TTLL8: variants seen among roughly 807,000 people sequenced by gnomAD.
TTLL8 encodes protein monoglycylase TTLL8.
Under a neutral mutation model 77.8 loss-of-function variants are expected in TTLL8, and 65 were observed. The ratio of observed to expected loss-of-function variants is 0.84; its 90% CI spans 0.68 to 1.03. The LOEUF is 1.03. Ranked by LOEUF, TTLL8 falls within the 50% of genes least tolerant of loss-of-function variation. The probability of loss-of-function intolerance (pLI) is 0.00; values close to 1 mark genes in which losing one functional copy is unlikely to be tolerated. For missense variants in TTLL8, 910 were observed against 1,004.5 expected (o/e 0.91, Z 1.27); for synonymous variants, 402 against 422.8 (o/e 0.95, Z 0.60).
exon 10 of TTLL8, chr22:50,033,390 G>A: frequency 1.5e-6 from 2 of 1,365,292 alleles, no homozygotes; most frequent in South Asian, 2.3e-5. Context: ...TGGAAAGAGG[G>A]TGGTCTGCAG....
chr22:50,048,303 T>C (rs112009312), intron 3 of TTLL8, among the ~76,000 whole-genome samples: 1 of 152,122 alleles, frequency 6.6e-6, no homozygotes, highest in South Asian at 2.1e-4. Context: ...CTCTCTGGAA[T>C]GCATGTGCTA....
intron 1 of TTLL8, 68 bp from the exon 4 acceptor site, chr22:50,050,315 A>G (rs2061437656): frequency 1.7e-6 from 2 of 1,185,314 alleles, no homozygotes. Flanking sequence ...TTTTGGTTGC[A>G]TGGATAAGCT....
chr22:50,046,998 T>G, intron 4 of TTLL8, 170 bp downstream of exon 6: 1 of 780,598 alleles, frequency 1.3e-6, no homozygotes, highest in Non-Finnish European at 1.6e-6. Context: ...GTGCTGGGGG[T>G]GGGGTGGGCA....
chr22:50,027,846 C>T (rs768195843), intron 12 of TTLL8: 1 of 979,364 alleles, frequency 1.0e-6, no homozygotes, highest in East Asian at 1.1e-4. Flanking sequence ...GCAAGCCCAG[C>T]TCCTCCCGGC....
At chr22:50,031,029 A>C in intron 11 of TTLL8, 104 bp from the exon 13 acceptor site, 1 of 1,076,892 alleles carries the variant, frequency 9.3e-7, no homozygotes, top group Non-Finnish European at 1.2e-6. Flanking sequence ...ACAGACCCCC[A>C]CCTGACTCAG....
intron 12 of TTLL8, among the ~76,000 whole-genome samples, chr22:50,019,315 A>G (rs1188381557): frequency 2.6e-5 from 4 of 152,214 alleles, no homozygotes; most frequent in Admixed American, 2.6e-4. Context: ...TGAGATCAAC[A>G]AAAGTTAAAT....
At chr22:50,025,252 A>T (rs4838876) in intron 12 of TTLL8, among the ~76,000 whole-genome samples, 57,138 of 135,216 alleles carry the variant, frequency 0.42, 10,566 homozygotes, top group Middle Eastern at 0.5. Flanking sequence ...CCACAGAAAT[A>T]AAAAAAAAAA....
At chr22:50,055,828 G>A (rs114757004), upstream of TTLL8, among the ~76,000 whole-genome samples, 4 of 152,134 alleles carry the variant, frequency 2.6e-5, no homozygotes, top group African/African-American at 7.2e-5. Context: ...CGTGTCAGCG[G>A]TGTGTGAACC....
At chr22:50,057,028 G>A, upstream of TTLL8, 3 of 1,213,410 alleles carry the variant, frequency 2.5e-6, no homozygotes, top group South Asian at 2.5e-5. Context: ...GGGGGCTCTG[G>A]GGATGGAGAG....
upstream of TTLL8, chr22:50,056,766 C>G: frequency 7.8e-7 from 1 of 1,286,592 alleles, no homozygotes; most frequent in Middle Eastern, 2.1e-4. This position sits in a 1 kb window ranked among gnomAD's most constrained non-coding sequence, Gnocchi z 4.1. Flanking sequence ...GTGCCTGCCC[C>G]CAGAGTCCCT....
intron 5 of TTLL8, 66 bp downstream of exon 7, chr22:50,045,790 C>T: frequency 1.6e-6 from 2 of 1,280,824 alleles, no homozygotes; most frequent in Non-Finnish European, 1.0e-6. Flanking sequence ...GTCTCAGCAC[C>T]AGGGGGATCT....
At position 50,044,994 on chromosome 22, in the gene TTLL8, G is replaced by A. The variant is rs1443688664; in HGVS notation, c.643+261C>T. 6.6e-6 allele frequency among the ~76,000 whole-genome samples: 1 copy of A among 152,190 alleles called. No individual in the cohort carries two copies. Among genetic ancestry groups the A allele is most frequent in the Non-Finnish European group, 1.5e-5 (1 of 68,032 alleles). ...GGAACCACGTCCGCGGCACAGGACT[G>A]TGGCAGTGAGTGTGGGACTCGGACG... On this transcript the variant is annotated intron_variant, in intron 6 of 13. Transcript: ENST00000266182. This position sits in a 1 kb window ranked among gnomAD's most constrained non-coding sequence, Gnocchi z 4.2.
At chr22:50,025,162 A>G (rs1479116884) in intron 12 of TTLL8, among the ~76,000 whole-genome samples, 3 of 152,090 alleles carry the variant, frequency 2.0e-5, no homozygotes, top group Non-Finnish European at 4.4e-5. Context: ...CACCCTGTTT[A>G]CACTGAGCGA....
chr22:50,030,123 A>G (rs2061275822), intron 12 of TTLL8: 1 of 969,738 alleles, frequency 1.0e-6, no homozygotes. Context: ...AAATCCTCCG[A>G]CCCGCGCCAC....
rs184116506 is a variant in TTLL8 at position 50,042,700 on chromosome 22, C to T, written c.644-893G>A. The stretch of plus-strand genomic sequence containing the variant: ...ATCCCAGCACTTTGGGAGGCTGACA[C>T]GGGAGGATCGCTGGAGCCTGAAAGT... On this transcript the variant is annotated intron_variant, in intron 6 of 13. Transcript: ENST00000266182. 1.7e-4 allele frequency among the ~76,000 whole-genome samples: 26 copies of T among 152,244 alleles called. No homozygotes were observed. The East Asian group carries it at 3.3e-3, about 19-fold the overall frequency.
chr22:50,057,417 T>C (rs1402695923), upstream of TTLL8, among the ~76,000 whole-genome samples: 1 of 43,186 alleles, frequency 2.3e-5, no homozygotes, highest in African/African-American at 9.0e-5. Flanking sequence ...GGGCGGGAGG[T>C]CTGGGTTGGG....
Position 50,045,056 on chromosome 22 carries a change from C to A in TTLL8, c.643+199G>T, listed in dbSNP as rs376723600. ...CGTTAACTGCCAGGTGCTTTACAAA[C>A]GGGGTGACTTTGACGTTTAGCCCCA... On this transcript the variant is annotated intron_variant, in intron 6 of 13. Transcript: ENST00000266182. 199 of 336,510 alleles carry A rather than the reference C, an allele frequency of 5.9e-4. 2 individuals are homozygous for A. In the South Asian group the frequency reaches 8.2e-3, roughly 14 times the overall value. 20.8% of individuals were successfully genotyped at this position (336,510 alleles called of 1,614,324 possible). A position where few individuals can be genotyped will look rare whatever the true frequency, so the allele number is the denominator to read the frequency against.
chr22:50,019,020 A>AGCCCAG (rs2061180955), intron 12 of TTLL8, among the ~76,000 whole-genome samples: 1 of 152,244 alleles, frequency 6.6e-6, no homozygotes, highest in African/African-American at 2.4e-5. Flanking sequence ...TGTTAAAAAC[A>AGCCCAG]TTATTAAACA....
chr22:50,030,776 G>C (rs1036200318), exon 12 of TTLL8: 1 of 1,346,532 alleles, frequency 7.4e-7, no homozygotes, highest in East Asian at 4.7e-5. Flanking sequence ...GCATGGCCGA[G>C]GGGCCCCGTG....
Sources: gnomAD v4.1 joint callset for allele counts (sites outside exome capture counted in the v4.1 genomes callset) on GRCh38, gnomAD v4.1.1 for gene constraint, Gnocchi (gnomAD v3.1) non-coding constraint, MANE v1.5 for transcripts, NCBI Gene and HGNC (gene_info 2026-07-23, HGNC 2026-07-21) for gene names.